The following CAGE1 variants were observed in gnomAD, a reference collection of about 807,000 sequenced individuals.
CAGE1 encodes cancer-associated gene 1 protein.
CAGE1 carries 66 observed loss-of-function variants against 94.9 expected under a neutral mutation model. That is an observed-to-expected ratio of 0.70 (90% CI 0.57 to 0.85). The LOEUF is 0.85. Ranked by LOEUF, CAGE1 falls within the 40% of genes least tolerant of loss-of-function variation. CAGE1 has a pLI of 0.00. For missense variants in CAGE1, 865 were observed against 950.4 expected, an observed-to-expected ratio of 0.91 and a Z score of 1.18; for synonymous variants, 319 against 321.0, an observed-to-expected ratio of 0.99 and a Z score of 0.07.
At position 7,362,728 on chromosome 6, in the gene CAGE1, C is replaced by G. The variant is rs953764521; in HGVS notation, c.2193+2740G>C. Among the ~76,000 whole-genome samples the G allele has an allele frequency of 3.9e-5, 6 of 152,156 alleles. No individual in the cohort carries two copies. Among genetic ancestry groups the G allele is most frequent in the African/African-American group, 1.4e-4 (6 of 41,428 alleles). ...TGAATCTTCTGGAGTACATTCTGCA[C>G]TACCAAAAAATAAAAACAAAATCCT... On this transcript the variant is annotated intron_variant, in intron 9 of 13. Transcript: ENST00000502583. This position sits in a 1 kb window ranked among gnomAD's most constrained non-coding sequence, Gnocchi z 4.1.
intron 11 of CAGE1, among the ~76,000 whole-genome samples, chr6:7,353,695 G>C (rs906244540): frequency 2.0e-5 from 2 of 98,788 alleles, no homozygotes; most frequent in African/African-American, 8.4e-5. Flanking sequence ...TTATATATAT[G>C]TACACACACA....
At chr6:7,353,696 TAC>T (rs59990182) in intron 11 of CAGE1, among the ~76,000 whole-genome samples, 39,929 of 138,914 alleles carry the variant, frequency 0.29, 6,065 homozygotes, top group Non-Finnish European at 0.38. Context: ...TATATATATG[TAC>T]ACACACACAC....
At chr6:7,386,910 T>C (rs2113481566) in intron 2 of CAGE1, 69 bp downstream of exon 2, 2 of 1,080,774 alleles carry the variant, frequency 1.9e-6, no homozygotes, top group South Asian at 1.4e-5. Context: ...TTTGAAGAAA[T>C]TTTCATATGG....
In CAGE1 at chr6:7,373,255, T is replaced by C. The variant is rs750209445; in HGVS notation, c.1564A>G (p.Met522Val). 7.5e-6 allele frequency: 12 copies of C among 1,603,986 alleles called. No homozygotes were observed. Among genetic ancestry groups the C allele is most frequent in the Middle Eastern group, 1.6e-4 (1 of 6,064 alleles). ...TTCTTCGTTCTTTCATTTTCAGACA[T>C]AAATTGCAAATTTCTAACTTGAGTG... Reference protein sequence around the residue: ...LLTQVRNLQFMSENERTKNIK... With the variant: ...LLTQVRNLQFVSENERTKNIK... Residue 522 changes from methionine to valine, a missense_variant, in exon 5 of 14, where the codon ATG becomes GTG. Physicochemically the swap from Met to Val is conservative, Grantham distance 21. Transcript: ENST00000502583.
chr6:7,387,018 G>T lies in CAGE1; in HGVS notation c.156C>A (p.Ile52=). The T allele has an allele frequency of 6.4e-7, 1 of 1,552,042 alleles. No homozygotes were observed. Among genetic ancestry groups the T allele is most frequent in the Non-Finnish European group, 8.7e-7 (1 of 1,147,040 alleles). ...AAGTGGTGCCGGTGGTTTCCATACAGATTGGAGAATGTGAAAGCATTACAC... is the reference window on the plus strand; with the variant it reads ...AAGTGGTGCCGGTGGTTTCCATACATATTGGAGAATGTGAAAGCATTACAC... ...SQGVMLSHSP[I]CMETTGTTCD... Residue 52 remains isoleucine, a synonymous_variant, in exon 2 of 14, where the codon ATC becomes ATA. Coordinates refer to ENST00000502583, the MANE Select transcript of CAGE1 (RefSeq NM_001170692.2).
chr6:7,345,523 A>G lies in CAGE1; in HGVS notation c.2369+9518T>C, dbSNP rs543591351. Among the ~76,000 whole-genome samples, 5 of 152,338 alleles carry G rather than the reference A, an allele frequency of 3.3e-5. No homozygotes were observed. In the South Asian group the frequency reaches 1.0e-3, roughly 32 times the overall value. ...ATTTCAGCAAGATCACTCTGGCTGCATATACAGAGTAAGCTATCACCAAGT... is the reference window on the plus strand; with the variant it reads ...ATTTCAGCAAGATCACTCTGGCTGCGTATACAGAGTAAGCTATCACCAAGT... On this transcript the variant is annotated intron_variant, in intron 11 of 13. Coordinates refer to ENST00000502583, the MANE Select transcript of CAGE1 (RefSeq NM_001170692.2).
chr6:7,344,842 A>T (rs1281527921), intron 11 of CAGE1, among the ~76,000 whole-genome samples: 1 of 152,188 alleles, frequency 6.6e-6, no homozygotes, highest in South Asian at 2.1e-4. Context: ...GTATCTAGCT[A>T]TTCTGGTGGG....
intron 13 of CAGE1, among the ~76,000 whole-genome samples, chr6:7,328,452 G>A (rs1000106173): frequency 1.1e-4 from 16 of 152,174 alleles, no homozygotes; most frequent in Non-Finnish European, 2.1e-4. Context: ...GCTGACAGGC[G>A]TTTGTGAGGT....
At chr6:7,356,976 T>C (rs574567343) in intron 9 of CAGE1, among the ~76,000 whole-genome samples, 26 of 152,178 alleles carry the variant, frequency 1.7e-4, no homozygotes, top group Admixed American at 3.3e-4. Context: ...TTTGTATTTT[T>C]AGTCGAGATG....
intron 11 of CAGE1, chr6:7,341,491 G>T: frequency 2.5e-6 from 3 of 1,191,074 alleles, no homozygotes; most frequent in Non-Finnish European, 3.7e-6. Flanking sequence ...ATTCCATCGC[G>T]AGTCTGAGGA....
chr6:7,354,935 T>C, intron 11 of CAGE1, 106 bp downstream of exon 11: 2 of 769,080 alleles, frequency 2.6e-6, no homozygotes, highest in East Asian at 2.6e-5. Flanking sequence ...TTAATAAAAC[T>C]GCACATTTTT....
chr6:7,331,460 C>A, intron 12 of CAGE1: 1 of 460,330 alleles, frequency 2.2e-6, no homozygotes, highest in South Asian at 3.1e-5. Flanking sequence ...CAGAACCAGC[C>A]ACTCCTAATG....
chr6:7,336,335 C>T (rs536388334), intron 11 of CAGE1, among the ~76,000 whole-genome samples: 41 of 151,156 alleles, frequency 2.7e-4, no homozygotes, highest in African/African-American at 9.2e-4. Flanking sequence ...TAGAGCTGCA[C>T]GCAAGAAGCT....
intron 7 of CAGE1, among the ~76,000 whole-genome samples, chr6:7,366,703 G>T (rs933246391): frequency 2.6e-5 from 4 of 152,096 alleles, no homozygotes; most frequent in African/African-American, 9.7e-5. Context: ...CCTGAGTTTT[G>T]CTTTCTCTAG....
intron 5 of CAGE1, 41 bp from the exon 6 acceptor site, chr6:7,370,106 G>C (rs1269576504): frequency 6.8e-6 from 10 of 1,466,186 alleles, no homozygotes; most frequent in Non-Finnish European, 8.3e-6. Context: ...TAATGATGAA[G>C]AACCTGAAAT....
chr6:7,376,249 C>T (rs1306351131), intron 4 of CAGE1, among the ~76,000 whole-genome samples: 7 of 151,286 alleles, frequency 4.6e-5, no homozygotes, highest in Non-Finnish European at 8.8e-5. Flanking sequence ...ATTAGCTGGG[C>T]GTGGTGGCAC....
At chr6:7,365,430 A>G in intron 9 of CAGE1, 38 bp downstream of exon 9, 1 of 1,521,966 alleles carries the variant, frequency 6.6e-7, no homozygotes, top group Non-Finnish European at 9.0e-7. Context: ...AATGTTGTGT[A>G]TAAAAATAAT....
intron 11 of CAGE1, among the ~76,000 whole-genome samples, chr6:7,346,649 C>T (rs530547236): frequency 6.6e-6 from 1 of 152,192 alleles, no homozygotes; most frequent in South Asian, 2.1e-4. Flanking sequence ...AAGTTAGAGA[C>T]CAGCCTGGCC....
chr6:7,368,303 C>T (rs1581688629), intron 7 of CAGE1, among the ~76,000 whole-genome samples: 1 of 148,084 alleles, frequency 6.8e-6, no homozygotes, highest in East Asian at 2.0e-4. Flanking sequence ...AAAGACAATC[C>T]AAGAACCTCT....
Sources: allele counts gnomAD v4.1 joint callset (sites outside exome capture counted in the v4.1 genomes callset), GRCh38; gene constraint gnomAD v4.1.1; non-coding constraint Gnocchi (gnomAD v3.1); transcripts MANE v1.5; gene names NCBI Gene and HGNC (gene_info 2026-07-23, HGNC 2026-07-21).